COL17A1: variants seen among roughly 807,000 people sequenced by gnomAD.
The protein encoded by COL17A1 is collagen type XVII alpha 1 chain, also known as collagen alpha-1(XVII) chain.
In COL17A1, 181 loss-of-function variants were observed where a neutral mutation model predicts 218.4. The observed-to-expected ratio is 0.83, with a 90% CI of 0.73 to 0.94. The LOEUF (loss-of-function observed/expected upper bound fraction) is 0.94. Ranked by LOEUF, COL17A1 falls within the 40% of genes least tolerant of loss-of-function variation. COL17A1 has a pLI of 0.00. For missense variants in COL17A1, 1,924 were observed against 1,945.9 expected (o/e 0.99, Z 0.21); for synonymous variants, 721 against 731.0 (o/e 0.99, Z 0.22).
intron 27 of COL17A1, 58 bp from the exon 28 acceptor site, chr10:104,050,182 T>C: frequency 6.2e-7 from 1 of 1,611,864 alleles, no homozygotes; most frequent in South Asian, 1.1e-5. Context: ...GAAAACACTC[T>C]CACCCAGTAA....
At chr10:104,036,942 T>G in intron 47 of COL17A1, 103 bp downstream of exon 47, 1 of 1,123,916 alleles carries the variant, frequency 8.9e-7, no homozygotes, top group Non-Finnish European at 1.3e-6. Context: ...GCCTCCCTCT[T>G]GCAGCCCTTC....
intron 52 of COL17A1, 147 bp from the exon 53 acceptor site, chr10:104,033,522 G>T: frequency 2.1e-6 from 2 of 959,048 alleles, no homozygotes; most frequent in Non-Finnish European, 3.2e-6. Context: ...AACTTCCTTT[G>T]TATTCCACTG....
rs2086336845 is a variant in COL17A1 at position 104,039,542 on chromosome 10, G to A, written c.2822-23C>T. 3 of 1,614,026 alleles carry A rather than the reference G, an allele frequency of 1.9e-6. No homozygotes were observed. In the African/African-American group the frequency reaches 4.0e-5, roughly 22 times the overall value. The stretch of plus-strand genomic sequence containing the variant: ...ACCCTGGAAGCCAACAACACACACA[G>A]TGCAGTCAGCCAGGGTTTGGAGAGG... On this transcript the variant is annotated intron_variant, in intron 42 of 55. Coordinates refer to ENST00000648076, the MANE Select transcript of COL17A1 (RefSeq NM_000494.4).
At chr10:104,056,910 C>G (rs1354494595) in intron 17 of COL17A1, 65 bp downstream of exon 17, 1 of 1,548,304 alleles carries the variant, frequency 6.5e-7, no homozygotes, top group Non-Finnish European at 8.7e-7. Flanking sequence ...TCCTGCCCTT[C>G]TGACAGGCAG....
chr10:104,055,482 A>AT, intron 18 of COL17A1, 81 bp from the exon 19 acceptor site: 2 of 1,462,884 alleles, frequency 1.4e-6, no homozygotes, highest in South Asian at 1.2e-5. Context: ...ACACACACAC[A>AT]ATAAGGGGAT....
intron 11 of COL17A1, 100 bp downstream of exon 11, chr10:104,063,647 C>T: frequency 6.5e-7 from 1 of 1,539,708 alleles, no homozygotes; most frequent in Admixed American, 1.9e-5. Context: ...TTCTGAGCTG[C>T]AGTATGCATG....
chr10:104,037,215 TG>T (rs1564672104), intron 46 of COL17A1, 102 bp from the exon 47 acceptor site: 1 of 1,024,984 alleles, frequency 9.8e-7, no homozygotes, highest in Non-Finnish European at 1.5e-6. Flanking sequence ...TGTTTGTCTT[TG>T]GGGGAAGTGG....
chr10:104,070,304 T>C (rs935660183), intron 9 of COL17A1, 122 bp downstream of exon 9: 3 of 1,545,368 alleles, frequency 1.9e-6, no homozygotes, highest in Non-Finnish European at 2.6e-6. Context: ...GGAATGAGAT[T>C]TGGTGGGCCC....
At chr10:104,036,741 T>C in intron 47 of COL17A1, 109 bp from the exon 48 acceptor site, 1 of 1,379,074 alleles carries the variant, frequency 7.3e-7, no homozygotes, top group South Asian at 1.2e-5. Flanking sequence ...TGCGTGACAT[T>C]TGTGAGTTCT....
In COL17A1 at chr10:104,032,251, A is replaced by G. The variant is rs745763900; in HGVS notation, c.4478T>C (p.Ile1493Thr). 4.3e-6 allele frequency: 7 copies of G among 1,614,010 alleles called. No individual in the cohort carries two copies. The highest frequency in any genetic ancestry group is 1.3e-5 in the African/African-American group (1 of 74,940). Residue 1493 changes from isoleucine (I) to threonine (T), a missense_variant, in exon 56 of 56, where the codon ATT (isoleucine) becomes ACT (threonine). Physicochemically the swap from Ile to Thr is moderately conservative, Grantham distance 89. Coordinates refer to ENST00000648076, the MANE Select transcript of COL17A1 (RefSeq NM_000494.4). The part of the protein sequence containing the change: ...VYAGRRRRRS[I>T]AVKP ...ATGGCTAGCTCACGGCTTGACAGCAATACTTCTTCTCCTTCTCCGCCCAGC... is the reference window on the plus strand; with the variant it reads ...ATGGCTAGCTCACGGCTTGACAGCAGTACTTCTTCTCCTTCTCCGCCCAGC...
At chr10:104,052,627 C>T (rs1045773969) in intron 23 of COL17A1, among the ~76,000 whole-genome samples, 1 of 152,156 alleles carries the variant, frequency 6.6e-6, no homozygotes, top group African/African-American at 2.4e-5. Context: ...ATGTCTGGGG[C>T]CTTCCCCACC....
rs143342006 is a variant in COL17A1, at chr10:104,044,865, C to T, written c.2398+893G>A. Among the ~76,000 whole-genome samples, 965 of 152,242 alleles carry T rather than the reference C, an allele frequency of 6.3e-3. 9 individuals carry two copies. Among genetic ancestry groups the T allele is most frequent in the African/African-American group, 0.022 (916 of 41,500 alleles). On this transcript the variant is annotated intron_variant, in intron 33 of 55. Coordinates refer to ENST00000648076, the MANE Select transcript of COL17A1 (RefSeq NM_000494.4). Reference sequence around the variant, plus strand: ...TCCATTCGTGAACATATCCACGGACCTAGTGTGGTCTGCCTGGGACCTATA... The same window carrying T: ...TCCATTCGTGAACATATCCACGGACTTAGTGTGGTCTGCCTGGGACCTATA...
intron 23 of COL17A1, 98 bp downstream of exon 23, chr10:104,052,933 G>A (rs961243424): frequency 5.0e-6 from 7 of 1,413,714 alleles, no homozygotes; most frequent in Non-Finnish European, 4.0e-6. Context: ...TGAAGGAAGG[G>A]GGGAGAAACA....
chr10:104,080,539 A>G, intron 2 of COL17A1, 83 bp downstream of exon 2: 1 of 1,490,190 alleles, frequency 6.7e-7, no homozygotes. Context: ...TGGTAGAATT[A>G]TTAATGAATT....
chr10:104,044,000 T>C, intron 33 of COL17A1, 140 bp from the exon 34 acceptor site: 1 of 906,276 alleles, frequency 1.1e-6, no homozygotes, highest in Admixed American at 1.8e-5. Context: ...TTTAATGAAC[T>C]GAAGGAAGGC....
chr10:104,044,873 G>C (rs1405953329), intron 33 of COL17A1, among the ~76,000 whole-genome samples: 1 of 152,098 alleles, frequency 6.6e-6, no homozygotes, highest in Non-Finnish European at 1.5e-5. Flanking sequence ...ACCTAGTGTG[G>C]TCTGCCTGGG....
chr10:104,048,793 G>T (rs1392057382), intron 29 of COL17A1, among the ~76,000 whole-genome samples: 1 of 152,036 alleles, frequency 6.6e-6, no homozygotes, highest in Non-Finnish European at 1.5e-5. Context: ...CACAGGTAAG[G>T]CTTAAACCCT....
At position 104,038,441 on chromosome 10, in the gene COL17A1, T is replaced by G; in HGVS notation, c.3035A>C (p.Gln1012Pro). Residue 1012 changes from glutamine (Q) to proline (P), a missense_variant, in exon 45 of 56, where the codon CAG (glutamine) becomes CCG (proline). Gln to Pro is a moderately conservative substitution (Grantham distance 76). Transcript: ENST00000648076. Reference protein sequence around the residue: ...GPPGSISSSGQEIQQYISEYM... With the variant: ...GPPGSISSSGPEIQQYISEYM... ...CTCAGAGATGTACTGCTGAATCTCC[T>G]GGCCAGAGCTGCTGATAGAGCCCGG... 4 of 1,613,970 alleles carry G rather than the reference T, an allele frequency of 2.5e-6. No homozygotes were observed. The highest frequency in any genetic ancestry group is 1.7e-6 in the Non-Finnish European group (2 of 1,179,976).
At chr10:104,056,720 T>C (rs1832303104) in intron 17 of COL17A1, among the ~76,000 whole-genome samples, 1 of 151,996 alleles carries the variant, frequency 6.6e-6, no homozygotes, top group South Asian at 2.1e-4. Flanking sequence ...GGCCTACAGG[T>C]GTAGCAAGGG....
Sources: allele counts gnomAD v4.1 joint callset (sites outside exome capture counted in the v4.1 genomes callset), GRCh38; gene constraint gnomAD v4.1.1; transcripts MANE v1.5; gene names NCBI Gene and HGNC (gene_info 2026-07-23, HGNC 2026-07-21).